The following OAF variants were observed in gnomAD, a reference collection of about 807,000 sequenced individuals.
OAF encodes out at first protein homolog.
A neutral mutation model predicts 22.5 loss-of-function variants in OAF; 13 were observed. The ratio of observed to expected loss-of-function variants is 0.58; its 90% CI spans 0.38 to 0.92. The LOEUF (loss-of-function observed/expected upper bound fraction) is 0.92. OAF is among the 40% of genes least tolerant of loss of function. OAF has a pLI of 0.00. For synonymous variants in OAF, 175 were observed against 170.5 expected, an observed-to-expected ratio of 1.03 and a Z score of -0.21; for missense variants, 347 against 381.8, an observed-to-expected ratio of 0.91 and a Z score of 0.76.
chr11:120,219,102 G>A (rs1290121469), intron 1 of OAF, among the ~76,000 whole-genome samples: 1 of 151,726 alleles, frequency 6.6e-6, no homozygotes, highest in Non-Finnish European at 1.5e-5. Flanking sequence ...GGCATGAGAT[G>A]GGGAATTCAC....
chr11:120,215,463 T>C (rs1938201022), intron 1 of OAF, among the ~76,000 whole-genome samples: 1 of 152,170 alleles, frequency 6.6e-6, no homozygotes, highest in African/African-American at 2.4e-5. Context: ...CCAAACTCAG[T>C]CACATATTTG....
intron 1 of OAF, chr11:120,213,984 A>G (rs968128487): frequency 1.3e-5 from 2 of 152,124 alleles, no homozygotes; most frequent in African/African-American, 4.8e-5. Flanking sequence ...AGGCAGGAAA[A>G]CCACTTGAGC....
chr11:120,215,766 G>C (rs1938204094), intron 1 of OAF, among the ~76,000 whole-genome samples: 1 of 152,124 alleles, frequency 6.6e-6, no homozygotes, highest in South Asian at 2.1e-4. Flanking sequence ...TTTCACCTCT[G>C]TCCCCTAGTC....
intron 1 of OAF, among the ~76,000 whole-genome samples, chr11:120,218,986 C>CGTGT (rs36066701): frequency 1.3e-5 from 2 of 151,252 alleles, no homozygotes; most frequent in African/African-American, 4.9e-5. Flanking sequence ...CGCATGTACA[C>CGTGT]GTGTGTGTGT....
chr11:120,226,823 C>T lies in OAF; in HGVS notation c.374C>T (p.Pro125Leu). The T allele has an allele frequency of 1.3e-6, 2 of 1,595,144 alleles. No homozygotes were observed. The highest frequency in any genetic ancestry group is 1.7e-6 in the Non-Finnish European group (2 of 1,166,120). Residue 125 changes from proline (P) to leucine (L), a missense_variant, in exon 3 of 4, where the codon CCC (proline) becomes CTC (leucine). Coordinates refer to ENST00000328965, the MANE Select transcript of OAF (RefSeq NM_178507.4). ...CTTCTCTCCCACACACAGAAAAATCCCCGGGCAGTGCGGCAGGCGGAGGAG... is the reference window on the plus strand; with the variant it reads ...CTTCTCTCCCACACACAGAAAAATCTCCGGGCAGTGCGGCAGGCGGAGGAG... ...EAMAKLRQKN[P>L]RAVRQAEEVR...
intron 3 of OAF, among the ~76,000 whole-genome samples, chr11:120,228,476 C>A (rs1322559080): frequency 6.6e-6 from 1 of 152,158 alleles, no homozygotes; most frequent in Non-Finnish European, 1.5e-5. Context: ...TTTTTTAAAG[C>A]ATTGGGTGGC....
chr11:120,211,749 C>G (rs1470895326), intron 1 of OAF, among the ~76,000 whole-genome samples: 3 of 152,154 alleles, frequency 2.0e-5, no homozygotes, highest in African/African-American at 7.2e-5. Context: ...CCAGAGCCCC[C>G]CAGGTGCTAA....
chr11:120,211,709 T>C (rs1386121009), intron 1 of OAF, among the ~76,000 whole-genome samples, 199 bp downstream of exon 1: 1 of 152,050 alleles, frequency 6.6e-6, no homozygotes, highest in African/African-American at 2.4e-5. Flanking sequence ...ACCCCTCTGC[T>C]TCCCTTTCTC....
chr11:120,213,317 A>G (rs1402731027), intron 1 of OAF, among the ~76,000 whole-genome samples: 1 of 152,152 alleles, frequency 6.6e-6, no homozygotes, highest in Non-Finnish European at 1.5e-5. Context: ...TATGCTGGTC[A>G]TCTGACTGCC....
chr11:120,228,285 G>A lies in OAF; in HGVS notation c.548-583G>A, dbSNP rs563231372. Among the ~76,000 whole-genome samples the A allele has an allele frequency of 6.5e-4, 99 of 152,148 alleles. 1 individual carries two copies. Among genetic ancestry groups the A allele is most frequent in the South Asian group, 2.5e-3 (12 of 4,830 alleles). On this transcript the variant is annotated intron_variant, in intron 3 of 3. Transcript: ENST00000328965. ...CTTTTAGTAGAAACAAGGTTTCACCGTGTTGGCCAGGCTGGTCTCAAACTC... is the reference window on the plus strand; with the variant it reads ...CTTTTAGTAGAAACAAGGTTTCACCATGTTGGCCAGGCTGGTCTCAAACTC...
Position 120,226,949 on chromosome 11 carries a change from A to G in OAF, c.500A>G (p.Asp167Gly). 1.2e-6 allele frequency: 2 copies of G among 1,608,348 alleles called. No homozygotes were observed. The highest frequency in any genetic ancestry group is 1.7e-6 in the Non-Finnish European group (2 of 1,176,072). Reference protein sequence around the residue: ...HLHNVCAEAVDAIYTRQEDVR... With the variant: ...HLHNVCAEAVGAIYTRQEDVR... The stretch of plus-strand genomic sequence containing the variant: ...CACAACGTGTGTGCCGAGGCCGTGG[A>G]TGCCATCTACACCCGCCAGGAGGAT... Residue 167 changes from aspartate to glycine, a missense_variant, in exon 3 of 4, where the codon GAT (aspartate) becomes GGT (glycine). By Grantham distance (94) the Asp-to-Gly change is moderately conservative. Transcript: ENST00000328965.
At chr11:120,217,699 C>T (rs1288451769) in intron 1 of OAF, among the ~76,000 whole-genome samples, 1 of 152,218 alleles carries the variant, frequency 6.6e-6, no homozygotes, top group East Asian at 1.9e-4. Context: ...GCCCCAGGCT[C>T]CTTGCCGGTA....
Position 120,227,348 on chromosome 11 carries a change from A to G in OAF, c.547+352A>G, listed in dbSNP as rs144846693. 2.2e-4 allele frequency among the ~76,000 whole-genome samples: 33 copies of G among 152,120 alleles called. No homozygotes were observed. In the East Asian group the frequency reaches 6.4e-3, roughly 29 times the overall value. On this transcript the variant is annotated intron_variant, in intron 3 of 3. Coordinates refer to ENST00000328965, the MANE Select transcript of OAF (RefSeq NM_178507.4). Reference sequence around the variant, plus strand: ...TGGAGGAAATGGAGCCTGTGTGATTATTCAGCGAGAAGATTCAGCCAGAGG... The same window carrying G: ...TGGAGGAAATGGAGCCTGTGTGATTGTTCAGCGAGAAGATTCAGCCAGAGG...
intron 1 of OAF, among the ~76,000 whole-genome samples, chr11:120,220,011 C>G (rs1374073065): frequency 6.6e-6 from 1 of 152,218 alleles, no homozygotes; most frequent in Non-Finnish European, 1.5e-5. Flanking sequence ...CGACAGACCC[C>G]AGGGTCACCA....
chr11:120,228,329 C>T (rs920906073), intron 3 of OAF, among the ~76,000 whole-genome samples: 3 of 152,138 alleles, frequency 2.0e-5, no homozygotes, highest in Non-Finnish European at 4.4e-5. Flanking sequence ...AGGTGATCCA[C>T]CTGCCTCAGA....
At position 120,229,403 on chromosome 11, in the gene OAF, C is replaced by G. The variant is rs1225602389; in HGVS notation, c.*261C>G. The G allele has an allele frequency of 8.2e-6, 4 of 485,606 alleles. No individual in the cohort carries two copies. The East Asian group carries it at 1.5e-4, about 18-fold the overall frequency. 30.1% of individuals were successfully genotyped at this position (485,606 alleles called of 1,614,324 possible). On this transcript the variant is annotated 3_prime_UTR_variant, in exon 4 of 4. Transcript: ENST00000328965. The stretch of plus-strand genomic sequence containing the variant: ...GAGAAGGGCTCCCCAGATCTACACC[C>G]CTCCCTCCTGCATCTCCCCTGGAGT...
At chr11:120,214,966 G>A (rs1938190946) in intron 1 of OAF, among the ~76,000 whole-genome samples, 1 of 152,248 alleles carries the variant, frequency 6.6e-6, no homozygotes, top group Non-Finnish European at 1.5e-5. Flanking sequence ...ATCACCTGGG[G>A]AGCTTTGAAA....
At chr11:120,224,130 T>C (rs907725020) in intron 1 of OAF, among the ~76,000 whole-genome samples, 2 of 152,224 alleles carry the variant, frequency 1.3e-5, no homozygotes, top group Admixed American at 6.5e-5. Context: ...AGGAACCTAA[T>C]GGAACCTTCC....
intron 3 of OAF, 44 bp from the exon 4 acceptor site, chr11:120,228,824 C>CCACCCAA: frequency 5.8e-6 from 3 of 519,062 alleles, no homozygotes; most frequent in Admixed American, 2.4e-5. Context: ...AGCTCCTTCC[C>CCACCCAA]TCCCTCCCTC....
Sources: allele counts gnomAD v4.1 joint callset (sites outside exome capture counted in the v4.1 genomes callset), GRCh38; gene constraint gnomAD v4.1.1; transcripts MANE v1.5; gene names NCBI Gene and HGNC (gene_info 2026-07-23, HGNC 2026-07-21).